The following PLPPR1 variants were observed in gnomAD, a reference collection of about 807,000 sequenced individuals.
The protein encoded by PLPPR1 is phospholipid phosphatase related 1, also known as phospholipid phosphatase-related protein type 1.
Under a neutral mutation model 33.1 loss-of-function variants are expected in PLPPR1, and 10 were observed. The ratio of observed to expected loss-of-function variants is 0.30; its 90% CI spans 0.19 to 0.51. The LOEUF (loss-of-function observed/expected upper bound fraction) is 0.51, where lower values mean the gene tolerates loss of function less well. PLPPR1 is among the 20% of genes least tolerant of loss of function. The pLI, the probability that PLPPR1 is intolerant of heterozygous loss-of-function variation, is 0.97. For missense variants in PLPPR1, 304 were observed against 408.1 expected (o/e 0.74, Z 2.20); for synonymous variants, 151 against 151.0 (o/e 1.00, Z 0.00).
At chr9:101,092,875 C>A (rs1485012348) in intron 1 of PLPPR1, among the ~76,000 whole-genome samples, 1 of 152,064 alleles carries the variant, frequency 6.6e-6, no homozygotes, top group Non-Finnish European at 1.5e-5. Context: ...GGATTAGTGT[C>A]CTTATAAGAA....
At chr9:101,185,771 T>C (rs1475421648) in intron 2 of PLPPR1, among the ~76,000 whole-genome samples, 1 of 151,816 alleles carries the variant, frequency 6.6e-6, no homozygotes, top group East Asian at 1.9e-4. Context: ...GGATATATAA[T>C]ATATCCAAAT....
Position 101,312,809 on chromosome 9 carries a change from A to T in PLPPR1, c.648A>T (p.Thr216=). ...YSALYATMYI[T]STIKTKSSRL... ...CTGTCCTATTCCAGATGTATATTAC[A>T]AGCACAATCAAGACGAAGAGCAGTC... Residue 216 remains threonine, a synonymous_variant, in exon 6 of 8, where the codon ACA becomes ACT. Transcript: ENST00000374874. The T allele has an allele frequency of 6.2e-7, 1 of 1,614,094 alleles. No individual in the cohort carries two copies. The highest frequency in any genetic ancestry group is 8.5e-7 in the Non-Finnish European group (1 of 1,180,022).
intron 1 of PLPPR1, among the ~76,000 whole-genome samples, chr9:101,084,174 G>A (rs1259098255): frequency 6.6e-6 from 1 of 152,186 alleles, no homozygotes; most frequent in African/African-American, 2.4e-5. Flanking sequence ...AGCCATTGGA[G>A]GAGTAACACA....
intron 1 of PLPPR1, among the ~76,000 whole-genome samples, chr9:101,044,904 T>C (rs953548361): frequency 6.6e-6 from 1 of 152,348 alleles, no homozygotes; most frequent in Non-Finnish European, 1.5e-5. Context: ...TTAGGTGTTA[T>C]GCTTACTATG....
chr9:101,223,148 CAAAAAA>C lies in PLPPR1; in HGVS notation c.63+37610_63+37615del, dbSNP rs869205435. Among the ~76,000 whole-genome samples the C allele has an allele frequency of 1.0e-3, 24 of 23,712 alleles. No homozygotes were observed. In the South Asian group the frequency reaches 0.027, roughly 27 times the overall value. The allele number at this position is 23,712 out of a possible 152,430, so 15.6% of individuals were successfully genotyped here. On this transcript the variant is annotated intron_variant, in intron 2 of 7. Coordinates refer to ENST00000374874, the MANE Select transcript of PLPPR1 (RefSeq NM_207299.2). ...GGCAACAAAGTGAGACCCATCTCTA[CAAAAAA>C]AAAAAAAAAAAAAAAAAAGAAAAGA...
intron 1 of PLPPR1, among the ~76,000 whole-genome samples, chr9:101,100,868 G>A (rs2118552640): frequency 6.6e-6 from 1 of 152,174 alleles, no homozygotes; most frequent in African/African-American, 2.4e-5. Flanking sequence ...AGAGAACTGT[G>A]GTTAGTAATG....
intron 4 of PLPPR1, among the ~76,000 whole-genome samples, chr9:101,305,236 C>A (rs553610477): frequency 6.6e-6 from 1 of 151,834 alleles, no homozygotes; most frequent in African/African-American, 2.4e-5. Context: ...TGTGTGCATG[C>A]GCAAGTGTGT....
chr9:101,116,733 T>TG, intron 1 of PLPPR1, among the ~76,000 whole-genome samples: 1 of 149,430 alleles, frequency 6.7e-6, no homozygotes, highest in South Asian at 2.1e-4. Context: ...CGCTTGAAGC[T>TG]GGGAGGTGGA....
intron 3 of PLPPR1, among the ~76,000 whole-genome samples, chr9:101,275,113 A>G (rs868178488): frequency 6.6e-6 from 1 of 152,124 alleles, no homozygotes; most frequent in Non-Finnish European, 1.5e-5. Context: ...CCTGTTCTCT[A>G]TGGAGTATAA....
chr9:101,271,281 A>C lies in PLPPR1; in HGVS notation c.252+1213A>C, dbSNP rs12339015. 8.5e-3 allele frequency among the ~76,000 whole-genome samples: 1,302 copies of C among 152,308 alleles called. 9 individuals are homozygous for C. The highest frequency in any genetic ancestry group is 0.018 in the African/African-American group (737 of 41,582). ...GTTCCCTCCCATACAAAATAAGGAC[A>C]ACTGAATGCTTACCTCATGCGTTGC... On this transcript the variant is annotated intron_variant, in intron 3 of 7. Transcript: ENST00000374874.
chr9:101,183,069 G>A (rs962240403), intron 1 of PLPPR1, among the ~76,000 whole-genome samples: 7 of 151,662 alleles, frequency 4.6e-5, no homozygotes, highest in African/African-American at 1.5e-4. Context: ...TAGCTACTTT[G>A]GAAAACGTTT....
chr9:101,170,370 A>G lies in PLPPR1; in HGVS notation c.-45-15080A>G, dbSNP rs373722149. Among the ~76,000 whole-genome samples the G allele has an allele frequency of 3.3e-5, 5 of 152,290 alleles. No homozygotes were observed. In the East Asian group the frequency reaches 7.7e-4, roughly 24 times the overall value. On this transcript the variant is annotated intron_variant, in intron 1 of 7. Coordinates refer to ENST00000374874, the MANE Select transcript of PLPPR1 (RefSeq NM_207299.2). ...TCATGGCAGAAATTAAAGAGGAAGC[A>G]AGACACATCTTACATGGCAGCAGGC...
At chr9:101,157,966 T>C (rs1198078085) in intron 1 of PLPPR1, among the ~76,000 whole-genome samples, 1 of 152,076 alleles carries the variant, frequency 6.6e-6, no homozygotes, top group Non-Finnish European at 1.5e-5. Context: ...ATTGCACCAT[T>C]GCACTCCAGC....
chr9:101,237,954 T>C (rs1175955227), intron 2 of PLPPR1, among the ~76,000 whole-genome samples: 24 of 127,580 alleles, frequency 1.9e-4, no homozygotes, highest in South Asian at 7.7e-4. Flanking sequence ...TATATATATA[T>C]ACACACACAC....
chr9:101,130,042 A>G (rs1831295925), intron 1 of PLPPR1, among the ~76,000 whole-genome samples: 1 of 152,202 alleles, frequency 6.6e-6, no homozygotes, highest in African/African-American at 2.4e-5. Flanking sequence ...TAGATAAAGG[A>G]CAACGATGAA....
chr9:101,206,969 A>G (rs1436980381), intron 2 of PLPPR1, among the ~76,000 whole-genome samples: 1 of 152,142 alleles, frequency 6.6e-6, no homozygotes, highest in Non-Finnish European at 1.5e-5. Flanking sequence ...TCAAAAAGGG[A>G]CATCACCTAC....
Position 101,294,273 on chromosome 9 carries a change from A to G in PLPPR1, c.385+8037A>G, listed in dbSNP as rs1164394365. ...CCAGGAAGAAGTTGAATCTCTGAAT[A>G]GACCAATAACAGGCTCTGAAATTGT... On this transcript the variant is annotated intron_variant, in intron 4 of 7. Coordinates refer to ENST00000374874, the MANE Select transcript of PLPPR1 (RefSeq NM_207299.2). 5.3e-4 allele frequency among the ~76,000 whole-genome samples: 80 copies of G among 152,108 alleles called. No individual in the cohort carries two copies. In the South Asian group the frequency reaches 8.3e-3, roughly 16 times the overall value.
At chr9:101,270,671 C>T (rs1429885579) in intron 3 of PLPPR1, among the ~76,000 whole-genome samples, 1 of 152,198 alleles carries the variant, frequency 6.6e-6, no homozygotes, top group African/African-American at 2.4e-5. Context: ...ATGGGCCACA[C>T]AGTCCTCTAC....
intron 1 of PLPPR1, among the ~76,000 whole-genome samples, chr9:101,155,604 CTTT>C (rs35982232): frequency 3.5e-5 from 5 of 144,096 alleles, no homozygotes; most frequent in African/African-American, 1.1e-4. Flanking sequence ...CTCTCTCTCT[CTTT>C]TTTTTTTTTT....
Sources: gnomAD v4.1 joint callset for allele counts (sites outside exome capture counted in the v4.1 genomes callset) on GRCh38, gnomAD v4.1.1 for gene constraint, MANE v1.5 for transcripts, NCBI Gene and HGNC (gene_info 2026-07-23, HGNC 2026-07-21) for gene names.